The following TENM4 variants were observed in gnomAD, a reference collection of about 807,000 sequenced individuals.
The protein encoded by TENM4 is teneurin-4.
TENM4 carries 82 observed loss-of-function variants against 243.3 expected under a neutral mutation model. The ratio of observed to expected loss-of-function variants is 0.34; its 90% CI spans 0.28 to 0.40. The LOEUF (loss-of-function observed/expected upper bound fraction) is 0.40. Ranked by LOEUF, TENM4 falls within the 10% of genes least tolerant of loss-of-function variation. The pLI, the probability that TENM4 is intolerant of heterozygous loss-of-function variation, is 1.00. For missense variants in TENM4, 3,138 were observed against 3,673.3 expected (o/e 0.85, Z 3.77); for synonymous variants, 1,412 against 1,456.3 (o/e 0.97, Z 0.69).
Position 79,189,540 on chromosome 11 carries a change from T to A in TENM4, c.-163+26268A>T, listed in dbSNP as rs867222430. Among the ~76,000 whole-genome samples, 7 of 152,364 alleles carry A rather than the reference T, an allele frequency of 4.6e-5. No homozygotes were observed. In the East Asian group the frequency reaches 5.8e-4, roughly 13 times the overall value. ...GCAAATGAATCAAACATACCTTTTT[T>A]AAACACTCTTGTGATGTCCTGTGAC... On this transcript the variant is annotated intron_variant, in intron 3 of 33. Coordinates refer to ENST00000278550, the MANE Select transcript of TENM4 (RefSeq NM_001098816.3).
At chr11:79,215,000 T>C (rs1445380852) in intron 3 of TENM4, among the ~76,000 whole-genome samples, 1 of 152,232 alleles carries the variant, frequency 6.6e-6, no homozygotes, top group African/African-American at 2.4e-5. Context: ...AAAAGACTCA[T>C]ATTTCTATCT....
chr11:79,169,059 T>G (rs1205255159), intron 3 of TENM4, among the ~76,000 whole-genome samples: 1 of 152,178 alleles, frequency 6.6e-6, no homozygotes, highest in Non-Finnish European at 1.5e-5. Context: ...CTTTCCTAAC[T>G]TTAAAACTGG....
At chr11:78,670,982 C>T (rs150999423) in intron 31 of TENM4, among the ~76,000 whole-genome samples, 2 of 152,210 alleles carry the variant, frequency 1.3e-5, no homozygotes, top group East Asian at 1.9e-4. Context: ...CTTCCTTGCC[C>T]CAGACTTCTC....
chr11:78,721,838 T>C (rs1832162615), intron 24 of TENM4, among the ~76,000 whole-genome samples: 1 of 151,742 alleles, frequency 6.6e-6, no homozygotes, highest in African/African-American at 2.4e-5. Flanking sequence ...TGAAAGGGAG[T>C]GTGAGGCTCC....
At chr11:79,378,443 C>T (rs1479969431) in intron 1 of TENM4, among the ~76,000 whole-genome samples, 1 of 152,178 alleles carries the variant, frequency 6.6e-6, no homozygotes, top group East Asian at 1.9e-4. Flanking sequence ...GCATGGCTGC[C>T]CAGCTAAGTG....
chr11:79,162,226 C>A (rs903732904), intron 3 of TENM4, among the ~76,000 whole-genome samples: 5 of 152,190 alleles, frequency 3.3e-5, no homozygotes, highest in African/African-American at 1.2e-4. Flanking sequence ...GAAGCCAGAC[C>A]ACCTGGCATT....
chr11:79,204,276 A>T (rs1026469868), intron 3 of TENM4, among the ~76,000 whole-genome samples: 26 of 152,240 alleles, frequency 1.7e-4, no homozygotes, highest in African/African-American at 6.0e-4. Context: ...TATGTCAATT[A>T]TGTCTAAATA....
chr11:79,037,252 G>C (rs753221147), intron 6 of TENM4, among the ~76,000 whole-genome samples: 10 of 152,172 alleles, frequency 6.6e-5, no homozygotes, highest in Admixed American at 1.3e-4. Context: ...GTCAGCTGCT[G>C]CACCTATGAG....
chr11:78,658,281 T>C lies in TENM4; in HGVS notation c.8087A>G (p.Gln2696Arg), dbSNP rs753311762. The stretch of plus-strand genomic sequence containing the variant: ...GGCCCACGCTTGGCGCACGGCTCTC[T>C]GCCGGGCCAGCTCCAGGACCCGTGC... ...EKARVLELAR[Q>R]RAVRQAWARE... The change falls in exon 34 of 34, where the codon CAG becomes CGG. Residue 2696 changes from glutamine to arginine, a missense_variant. This residue lies in a region of TENM4 where 2,467 missense variants were observed against 3,059.1 expected (regional missense o/e 0.81). Transcript: ENST00000278550. The C allele has an allele frequency of 6.2e-7, 1 of 1,613,012 alleles. No individual in the cohort carries two copies. The highest frequency in any genetic ancestry group is 8.5e-7 in the Non-Finnish European group (1 of 1,179,158).
intron 5 of TENM4, among the ~76,000 whole-genome samples, chr11:79,066,604 G>A (rs577167146): frequency 1.3e-4 from 20 of 149,934 alleles, no homozygotes; most frequent in Admixed American, 6.6e-4. Context: ...GCACACACGC[G>A]CGTGCACACA....
intron 6 of TENM4, among the ~76,000 whole-genome samples, chr11:78,995,686 ATCACTGC>A (rs1171530652): frequency 2.6e-5 from 4 of 151,106 alleles, no homozygotes; most frequent in African/African-American, 9.7e-5. Flanking sequence ...GGCCTTGAAC[ATCACTGC>A]TTTTTTTTTT....
In TENM4 at chr11:78,653,694, G is replaced by T; in HGVS notation, c.*4364C>A. Reference sequence around the variant, plus strand: ...TCAGCTCCTGCCAGGACGGCCGAGCGTGCTCCAGACTAGTCCTCCCTTGGC... The same window carrying T: ...TCAGCTCCTGCCAGGACGGCCGAGCTTGCTCCAGACTAGTCCTCCCTTGGC... On this transcript the variant is annotated 3_prime_UTR_variant, in exon 34 of 34. Coordinates refer to ENST00000278550, the MANE Select transcript of TENM4 (RefSeq NM_001098816.3). 1 of 152,256 alleles carries T rather than the reference G, an allele frequency of 6.6e-6. No homozygotes were observed. The highest frequency in any genetic ancestry group is 1.9e-4 in the East Asian group (1 of 5,200). 9.4% of individuals were successfully genotyped at this position (152,256 alleles called of 1,614,324 possible).
chr11:79,024,623 G>A (rs1021882204), intron 6 of TENM4, among the ~76,000 whole-genome samples: 2 of 152,146 alleles, frequency 1.3e-5, no homozygotes, highest in African/African-American at 4.8e-5. Flanking sequence ...AAGAAGGTGA[G>A]TGGATTGAGA....
At chr11:79,310,986 T>C (rs1241949194) in intron 1 of TENM4, among the ~76,000 whole-genome samples, 2 of 152,212 alleles carry the variant, frequency 1.3e-5, no homozygotes, top group Admixed American at 6.5e-5. Context: ...TAGAAAACTT[T>C]GGTTTAGAGA....
At chr11:78,831,363 C>T (rs1373298854) in intron 12 of TENM4, among the ~76,000 whole-genome samples, 2 of 152,226 alleles carry the variant, frequency 1.3e-5, no homozygotes, top group Non-Finnish European at 2.9e-5. Flanking sequence ...CAGCTCCTGG[C>T]CGGGTGAAGA....
intron 6 of TENM4, among the ~76,000 whole-genome samples, chr11:78,938,111 A>T (rs1049154422): frequency 6.6e-6 from 1 of 152,072 alleles, no homozygotes; most frequent in Non-Finnish European, 1.5e-5. Flanking sequence ...TTAATCAAAA[A>T]CTTTCCATGG....
chr11:78,903,378 C>T lies in TENM4; in HGVS notation c.639G>A (p.Pro213=). The part of the protein sequence containing the change: ...GNFTPRSNPS[P]APTDHSLSGE... The stretch of plus-strand genomic sequence containing the variant: ...CGGAGAGCGAGTGGTCCGTGGGGGC[C>T]GGGCTGGGGTTGCTCCTCGGCGTGA... Residue 213 remains proline, a synonymous_variant, in exon 7 of 34, where the codon CCG becomes CCA. Transcript: ENST00000278550. 1 of 1,519,268 alleles carries T rather than the reference C, an allele frequency of 6.6e-7. No homozygotes were observed. The highest frequency in any genetic ancestry group is 8.8e-7 in the Non-Finnish European group (1 of 1,132,516). The allele number at this position is 1,519,268 out of a possible 1,614,324, so 94.1% of individuals were successfully genotyped here.
intron 3 of TENM4, among the ~76,000 whole-genome samples, chr11:79,215,009 C>G (rs1266804829): frequency 6.6e-6 from 1 of 152,212 alleles, no homozygotes; most frequent in Non-Finnish European, 1.5e-5. Context: ...ATATTTCTAT[C>G]TTGAAAGATT....
chr11:78,701,467 C>T, intron 28 of TENM4, 59 bp downstream of exon 28: 1 of 1,498,946 alleles, frequency 6.7e-7, no homozygotes, highest in Non-Finnish European at 8.9e-7. Context: ...CAATTTACCT[C>T]CAATCCTACA....
Sources: allele counts gnomAD v4.1 joint callset (sites outside exome capture counted in the v4.1 genomes callset), GRCh38; gene constraint gnomAD v4.1.1; regional missense constraint gnomAD v4.1.1; transcripts MANE v1.5; gene names NCBI Gene and HGNC (gene_info 2026-07-23, HGNC 2026-07-21).